Variants in GPHN observed in about 807,000 individuals in gnomAD.
GPHN encodes the protein gephyrin.
GPHN carries 17 observed loss-of-function variants against 95.5 expected under a neutral mutation model. That is an observed-to-expected ratio of 0.18 (90% confidence interval 0.12 to 0.27). GPHN has a LOEUF of 0.27. GPHN is among the 10% of genes least tolerant of loss of function. GPHN has a pLI of 1.00. For missense variants in GPHN, 660 were observed against 978.1 expected, an observed-to-expected ratio of 0.67 and a Z score of 4.34; for synonymous variants, 320 against 322.5, an observed-to-expected ratio of 0.99 and a Z score of 0.08.
chr14:66,848,665 G>GA (rs1216975159), intron 4 of GPHN, among the ~76,000 whole-genome samples: 1 of 151,766 alleles, frequency 6.6e-6, no homozygotes, highest in Non-Finnish European at 1.5e-5. Flanking sequence ...TATTGTAATA[G>GA]AAAAATATAT....
At chr14:67,589,378 C>G in the GPHN span, 1 of 984,450 alleles carries the variant, frequency 1.0e-6, no homozygotes, top group Non-Finnish European at 1.2e-6. Context: ...AGTCCAATTT[C>G]TGTCTGGCCT....
chr14:67,204,313 T>G, the GPHN span, among the ~76,000 whole-genome samples: 42 of 151,870 alleles, frequency 2.8e-4, no homozygotes, highest in Non-Finnish European at 5.2e-4. Flanking sequence ...GTGGTACATA[T>G]CTGTTGTCCC....
chr14:67,424,111 G>A, the GPHN span, among the ~76,000 whole-genome samples: 4 of 152,006 alleles, frequency 2.6e-5, no homozygotes, highest in East Asian at 7.7e-4. Context: ...CTGGTGGCAG[G>A]TGCCTGTAAT....
rs558754390 is a variant in GPHN, at chr14:66,954,821, A to G, written c.829-10370A>G. On this transcript the variant is annotated intron_variant, in intron 8 of 22. Transcript: ENST00000478722. ...CTAGTTTTCCAAGTGTTTTATCCTG[A>G]AAGCATATTGCATCAAATGTTTGTT... Among the ~76,000 whole-genome samples, 3 of 152,332 alleles carry G rather than the reference A, an allele frequency of 2.0e-5. No homozygotes were observed. In the East Asian group the frequency reaches 5.8e-4, roughly 29 times the overall value.
At chr14:67,090,317 T>G (rs2077096091) in intron 12 of GPHN, among the ~76,000 whole-genome samples, 1 of 152,046 alleles carries the variant, frequency 6.6e-6, no homozygotes, top group Non-Finnish European at 1.5e-5. Flanking sequence ...GAATTTGAAG[T>G]ACTCCAAAAT....
At chr14:67,600,326 C>CA in the GPHN span, 1 of 818,094 alleles carries the variant, frequency 1.2e-6, no homozygotes, top group African/African-American at 1.8e-5. Context: ...TAAGCCTGCG[C>CA]AGCCTCAGTT....
chr14:67,559,804 T>C, the GPHN span: 4 of 685,896 alleles, frequency 5.8e-6, no homozygotes, highest in Non-Finnish European at 1.1e-5. Flanking sequence ...CTTCATTCTG[T>C]CCAGCACTTG....
chr14:66,898,493 C>G (rs1435555103), intron 5 of GPHN, among the ~76,000 whole-genome samples: 1 of 103,020 alleles, frequency 9.7e-6, no homozygotes, highest in South Asian at 3.9e-4. Flanking sequence ...AAAAAAAAAG[C>G]TACCTTTCCT....
At chr14:67,381,796 G>A in the GPHN span, 1 of 807,372 alleles carries the variant, frequency 1.2e-6, no homozygotes, top group South Asian at 1.9e-5. Context: ...CATAACAAAA[G>A]TGGGTTTTTT....
At chr14:66,972,758 G>A (rs1036702271) in intron 9 of GPHN, among the ~76,000 whole-genome samples, 2 of 151,854 alleles carry the variant, frequency 1.3e-5, no homozygotes, top group African/African-American at 4.8e-5. Flanking sequence ...ATATTACATT[G>A]AGGATATAGT....
At chr14:67,732,576 T>C in the GPHN span, among the ~76,000 whole-genome samples, 3 of 147,054 alleles carry the variant, frequency 2.0e-5, no homozygotes, top group South Asian at 4.5e-4. Context: ...AACTAAATGA[T>C]AGACTTTTCT....
intron 18 of GPHN, among the ~76,000 whole-genome samples, chr14:67,148,734 G>GT (rs2081056426): frequency 6.6e-6 from 1 of 150,768 alleles, no homozygotes; most frequent in African/African-American, 2.4e-5. Context: ...CTAATTTTTT[G>GT]TTTTTGTATT....
At chr14:67,098,061 T>C (rs567876742) in intron 12 of GPHN, among the ~76,000 whole-genome samples, 125 of 152,258 alleles carry the variant, frequency 8.2e-4, no homozygotes, top group Non-Finnish European at 1.3e-3. Flanking sequence ...AAAAACCTTG[T>C]AACACACACC....
At chr14:67,676,060 A>T in the GPHN span, among the ~76,000 whole-genome samples, 12 of 152,294 alleles carry the variant, frequency 7.9e-5, no homozygotes, top group East Asian at 2.3e-3. Flanking sequence ...TCGTGCCACC[A>T]CACTCCAGCC....
chr14:67,648,451 C>T, the GPHN span: 1 of 276,212 alleles, frequency 3.6e-6, no homozygotes, highest in African/African-American at 2.2e-5. Flanking sequence ...AATAAATTGT[C>T]AAACTGATGC....
At chr14:66,721,780 G>T (rs1429546954) in intron 2 of GPHN, among the ~76,000 whole-genome samples, 2 of 151,840 alleles carry the variant, frequency 1.3e-5, no homozygotes, top group African/African-American at 4.8e-5. Context: ...ATGAAACCTC[G>T]TTTCTATCAA....
chr14:67,199,544 A>G, the GPHN span: 1 of 1,607,708 alleles, frequency 6.2e-7, no homozygotes, highest in Non-Finnish European at 8.5e-7. Flanking sequence ...AATTGAAGCC[A>G]TGAATGGGCA....
At chr14:67,710,795 T>C in the GPHN span, among the ~76,000 whole-genome samples, 2 of 152,030 alleles carry the variant, frequency 1.3e-5, no homozygotes, top group Non-Finnish European at 2.9e-5. Context: ...TAATGAAATA[T>C]CTATTATCTA....
chr14:66,620,379 T>A (rs902261883), intron 1 of GPHN, among the ~76,000 whole-genome samples: 5 of 152,124 alleles, frequency 3.3e-5, no homozygotes, highest in African/African-American at 9.7e-5. Context: ...GGACTTACAG[T>A]TTGATATGGC....
Sources: allele counts gnomAD v4.1 joint callset (sites outside exome capture counted in the v4.1 genomes callset), GRCh38; gene constraint gnomAD v4.1.1; transcripts MANE v1.5; gene names NCBI Gene and HGNC (gene_info 2026-07-23, HGNC 2026-07-21).